ATP11B: variants seen among roughly 807,000 people sequenced by gnomAD.
ATP11B encodes the protein ATPase phospholipid transporting 11B (putative).
Under a neutral mutation model 157.8 loss-of-function variants are expected in ATP11B, and 81 were observed. That is an observed-to-expected ratio of 0.51 (90% CI 0.43 to 0.62). The LOEUF (loss-of-function observed/expected upper bound fraction) is 0.62, where lower values mean the gene tolerates loss of function less well. Ranked by LOEUF, ATP11B falls within the 20% of genes least tolerant of loss-of-function variation. The probability of loss-of-function intolerance (pLI) is 0.00; values close to 1 mark genes in which losing one functional copy is unlikely to be tolerated. For missense variants in ATP11B, 1,165 were observed against 1,402.2 expected, an observed-to-expected ratio of 0.83 and a Z score of 2.70; for synonymous variants, 451 against 469.4, an observed-to-expected ratio of 0.96 and a Z score of 0.51.
intron 28 of ATP11B, among the ~76,000 whole-genome samples, chr3:182,909,044 C>T (rs911066483): frequency 2.6e-5 from 4 of 151,982 alleles, no homozygotes. Flanking sequence ...AAACAAAAAC[C>T]TTTATTTGAT....
At position 182,859,239 on chromosome 3, in the gene ATP11B, A is replaced by T. The variant is rs1309175035; in HGVS notation, c.1080A>T (p.Thr360=). The T allele has an allele frequency of 1.2e-6, 2 of 1,612,910 alleles. No homozygotes were observed. Among genetic ancestry groups the T allele is most frequent in the South Asian group, 2.2e-5 (2 of 90,896 alleles). ...NFIIPISLYV[T]VEMQKFLGSF... The stretch of plus-strand genomic sequence containing the variant: ...TCATTCCAATTTCATTATATGTGAC[A>T]GTCGAAATGCAGAAATTTCTTGGAT... Residue 360 remains threonine, a synonymous_variant, in exon 12 of 30, where the codon ACA becomes ACT. Coordinates refer to ENST00000323116, the MANE Select transcript of ATP11B (RefSeq NM_014616.3).
chr3:182,794,672 A>G (rs916748156), intron 1 of ATP11B, among the ~76,000 whole-genome samples: 1 of 152,220 alleles, frequency 6.6e-6, no homozygotes, highest in Non-Finnish European at 1.5e-5. Flanking sequence ...TAATTCAGAG[A>G]GAAAAATCTT....
rs1719931264 is a variant in ATP11B at position 182,850,952 on chromosome 3, C to T, written c.851+2395C>T. The stretch of plus-strand genomic sequence containing the variant: ...AAGAAGAATGAAATCGTGTCATTAG[C>T]AGCAACATGGATGTAACTGAAGATC... On this transcript the variant is annotated intron_variant, in intron 10 of 29. Coordinates refer to ENST00000323116, the MANE Select transcript of ATP11B (RefSeq NM_014616.3). Among the ~76,000 whole-genome samples the T allele has an allele frequency of 2.0e-5, 3 of 152,106 alleles. No homozygotes were observed. The South Asian group carries it at 6.2e-4, about 32-fold the overall frequency.
intron 1 of ATP11B, among the ~76,000 whole-genome samples, chr3:182,796,412 C>T (rs1447948488): frequency 1.3e-5 from 2 of 152,126 alleles, no homozygotes; most frequent in African/African-American, 4.8e-5. Context: ...AATATTTAGA[C>T]CTGTACGGTA....
At chr3:182,909,601 T>C (rs191324406) in intron 28 of ATP11B, among the ~76,000 whole-genome samples, 1 of 152,290 alleles carries the variant, frequency 6.6e-6, no homozygotes, top group East Asian at 1.9e-4. Context: ...CACCCAATTA[T>C]ACTGGCAACT....
intron 20 of ATP11B, among the ~76,000 whole-genome samples, chr3:182,880,490 TTAC>T (rs78287629): frequency 6.0e-4 from 91 of 152,240 alleles, no homozygotes; most frequent in African/African-American, 1.8e-3. Flanking sequence ...TCTTAAAATT[TTAC>T]TACAAGAGGA....
Position 182,865,560 on chromosome 3 carries a change from A to G in ATP11B, c.1305A>G (p.Arg435=). 6.2e-7 allele frequency: 1 copy of G among 1,613,908 alleles called. No homozygotes were observed. Among genetic ancestry groups the G allele is most frequent in the Non-Finnish European group, 8.5e-7 (1 of 1,179,870 alleles). ...TGAAATACCAAGAAATTAATGGTAG[A>G]CTTGTACCCGAAGGACCAACACCAG... ...NGMKYQEING[R]LVPEGPTPDS... is the part of the protein sequence containing the mutation. Residue 435 remains arginine, a synonymous_variant, in exon 13 of 30, where the codon AGA becomes AGG. Coordinates refer to ENST00000323116, the MANE Select transcript of ATP11B (RefSeq NM_014616.3).
At chr3:182,819,079 CTTTT>C (rs11398702) in intron 1 of ATP11B, among the ~76,000 whole-genome samples, 1 of 135,228 alleles carries the variant, frequency 7.4e-6, no homozygotes. Flanking sequence ...TCTAATATTT[CTTTT>C]TTTTTTTTTT....
intron 2 of ATP11B, among the ~76,000 whole-genome samples, chr3:182,826,853 G>A (rs1347714876): frequency 6.6e-6 from 1 of 151,978 alleles, no homozygotes; most frequent in East Asian, 1.9e-4. Context: ...ATTAAGAAGT[G>A]AACTTTTGAC....
chr3:182,888,796 C>T (rs756740883), intron 24 of ATP11B, among the ~76,000 whole-genome samples: 30 of 151,614 alleles, frequency 2.0e-4, no homozygotes, highest in Non-Finnish European at 4.4e-5. Context: ...GATCCTCCTG[C>T]ATTGGCCTCC....
At chr3:182,852,026 A>G (rs940207969) in intron 10 of ATP11B, among the ~76,000 whole-genome samples, 5 of 152,248 alleles carry the variant, frequency 3.3e-5, no homozygotes, top group Non-Finnish European at 7.3e-5. Context: ...TCATCTAGAC[A>G]GATCATATGA....
chr3:182,877,761 G>T (rs947660241), intron 19 of ATP11B, among the ~76,000 whole-genome samples: 1 of 152,144 alleles, frequency 6.6e-6, no homozygotes, highest in Admixed American at 6.5e-5. Context: ...ATGGGACAGG[G>T]TATGAAGAGT....
intron 4 of ATP11B, among the ~76,000 whole-genome samples, chr3:182,832,848 T>A (rs1021647533): frequency 1.3e-5 from 2 of 152,234 alleles, no homozygotes; most frequent in Middle Eastern, 3.4e-3. Flanking sequence ...AATAGAGTAG[T>A]AGTAAAATCC....
chr3:182,832,602 C>A (rs1718236575), intron 4 of ATP11B, among the ~76,000 whole-genome samples: 1 of 152,168 alleles, frequency 6.6e-6, no homozygotes, highest in Non-Finnish European at 1.5e-5. Flanking sequence ...TCCCTTTGTA[C>A]TTCTATCAAA....
At position 182,898,609 on chromosome 3, in the gene ATP11B, C is replaced by CA. The variant is rs1458014008; in HGVS notation, c.3156dup (p.Phe1053IlefsTer35). 6.3e-7 allele frequency: 1 copy of CA among 1,586,920 alleles called. No homozygotes were observed. On this transcript the variant is annotated frameshift_variant, in exon 28 of 30. Coordinates refer to ENST00000323116, the MANE Select transcript of ATP11B (RefSeq NM_014616.3). LOFTEE classifies it high-confidence loss of function. ...AAGCACATTTTCTTTCTTTGCAGGCCATTTTTGGGCTCCCAGAATATGTAT... is the reference window on the plus strand; with the variant it reads ...AAGCACATTTTCTTTCTTTGCAGGCCAATTTTTGGGCTCCCAGAATATGTAT...
intron 28 of ATP11B, among the ~76,000 whole-genome samples, chr3:182,899,511 C>A (rs1454060658): frequency 6.6e-6 from 1 of 152,062 alleles, no homozygotes; most frequent in Non-Finnish European, 1.5e-5. Flanking sequence ...AATTATTTAA[C>A]CTAAATAATT....
In ATP11B at chr3:182,919,413, A is replaced by AGG. The variant is rs1434330191; in HGVS notation, c.*1309_*1310insGG. The AGG allele has an allele frequency of 6.6e-6, 1 of 152,652 alleles. No homozygotes were observed. Among genetic ancestry groups the AGG allele is most frequent in the Non-Finnish European group, 1.5e-5 (1 of 68,022 alleles). The allele number at this position is 152,652 out of a possible 1,614,324, so 9.5% of individuals were successfully genotyped here. ...TACTGTAATTAACTCATTGCACTTC[A>AGG]AAACCTAACTTCCATCCTGAATTTA... On this transcript the variant is annotated 3_prime_UTR_variant, in exon 30 of 30. Transcript: ENST00000323116.
At chr3:182,906,476 T>G (rs140224688) in intron 28 of ATP11B, among the ~76,000 whole-genome samples, 152 of 152,240 alleles carry the variant, frequency 1.0e-3, no homozygotes, top group African/African-American at 3.4e-3. Context: ...CAGGGCCTCA[T>G]TCCATCTCCC....
chr3:182,843,259 G>A (rs1009609180), intron 8 of ATP11B, among the ~76,000 whole-genome samples: 3 of 152,178 alleles, frequency 2.0e-5, no homozygotes, highest in African/African-American at 2.4e-5. Context: ...AGCAAGTGAG[G>A]ATGAAACAAA....
Sources: gnomAD v4.1 joint callset for allele counts (sites outside exome capture counted in the v4.1 genomes callset) on GRCh38, gnomAD v4.1.1 for gene constraint, MANE v1.5 for transcripts, NCBI Gene and HGNC (gene_info 2026-07-23, HGNC 2026-07-21) for gene names.